SLC47A1: variants seen among roughly 807,000 people sequenced by gnomAD.
SLC47A1 encodes the protein solute carrier family 47 member 1.
Under a neutral mutation model 65.8 loss-of-function variants are expected in SLC47A1, and 58 were observed. That is an observed-to-expected ratio of 0.88 (90% CI 0.71 to 1.10). SLC47A1 has a LOEUF of 1.10. SLC47A1 is among the 50% of genes least tolerant of loss of function. The pLI, the probability that SLC47A1 is intolerant of heterozygous loss-of-function variation, is 0.00. For synonymous variants in SLC47A1, 285 were observed against 295.0 expected (o/e 0.97, Z 0.35); for missense variants, 706 against 719.2 (o/e 0.98, Z 0.21).
chr17:19,544,605 G>A (rs532238020), intron 2 of SLC47A1, among the ~76,000 whole-genome samples: 22 of 152,280 alleles, frequency 1.4e-4, no homozygotes, highest in African/African-American at 5.3e-4. Context: ...TGGTGAAGGC[G>A]AGCACACCTG....
rs540823749 is a variant in SLC47A1 at position 19,560,006 on chromosome 17, G to A, written c.922-182G>A. 3 of 575,122 alleles carry A rather than the reference G, an allele frequency of 5.2e-6. No individual in the cohort carries two copies. The East Asian group carries it at 8.9e-5, about 17-fold the overall frequency. 35.6% of individuals were successfully genotyped at this position (575,122 alleles called of 1,614,324 possible). ...GTTTGTGCTAAGCATCGTAACCTGG[G>A]GCTCAGTTTCCACAGTAGCGTGGGA... On this transcript the variant is annotated intron_variant, in intron 10 of 16. Coordinates refer to ENST00000270570, the MANE Select transcript of SLC47A1 (RefSeq NM_018242.3).
At chr17:19,566,165 T>G (rs1281937790) in intron 12 of SLC47A1, among the ~76,000 whole-genome samples, 1 of 152,222 alleles carries the variant, frequency 6.6e-6, no homozygotes, top group Non-Finnish European at 1.5e-5. Context: ...TGTGCCCAAA[T>G]TATGAATTAA....
At chr17:19,576,534 A>G (rs1217120930) in intron 16 of SLC47A1, among the ~76,000 whole-genome samples, 1 of 151,426 alleles carries the variant, frequency 6.6e-6, no homozygotes, top group Non-Finnish European at 1.5e-5. Context: ...GTTTGTAGAG[A>G]TGAGGTATCA....
intron 12 of SLC47A1, 57 bp from the exon 13 acceptor site, chr17:19,566,733 A>G (rs2084360689): frequency 1.3e-6 from 2 of 1,525,562 alleles, no homozygotes; most frequent in South Asian, 1.1e-5. Context: ...CCAGAAAGCT[A>G]TATACTTCTT....
intron 1 of SLC47A1, among the ~76,000 whole-genome samples, chr17:19,538,615 A>G (rs565199001): frequency 6.6e-6 from 1 of 152,342 alleles, no homozygotes; most frequent in South Asian, 2.1e-4. Context: ...TTGTGCTCCA[A>G]AGACAGTGGC....
At chr17:19,548,173 C>A in intron 4 of SLC47A1, 40 bp downstream of exon 4, 1 of 1,590,138 alleles carries the variant, frequency 6.3e-7, no homozygotes, top group Non-Finnish European at 8.6e-7. Context: ...GGCGTCCATC[C>A]CACGGAAAGA....
At position 19,555,686 on chromosome 17, in the gene SLC47A1, G is replaced by A. The variant is rs1437643767; in HGVS notation, c.735G>A (p.Trp245Ter). Reference protein sequence around the residue: ...ILGKKLHQATWGGWSLECLQD... With the variant: ...ILGKKLHQAT ...GGAAAAAACTGCATCAAGCTACATG[G>A]GGAGGTAATGACTGCCCTTTTGTCT... Residue 245 changes from tryptophan to a stop codon, truncating the protein, a stop_gained, in exon 8 of 17, where the codon TGG (tryptophan) becomes TGA (stop). Coordinates refer to ENST00000270570, the MANE Select transcript of SLC47A1 (RefSeq NM_018242.3). LOFTEE classifies it high-confidence loss of function. The A allele has an allele frequency of 6.2e-7, 1 of 1,614,144 alleles. No homozygotes were observed.
At chr17:19,567,443 C>G (rs564962005) in intron 14 of SLC47A1, among the ~76,000 whole-genome samples, 1 of 152,186 alleles carries the variant, frequency 6.6e-6, no homozygotes, top group African/African-American at 2.4e-5. Context: ...CCTCACACCC[C>G]TGCGGGCGAT....
intron 12 of SLC47A1, among the ~76,000 whole-genome samples, chr17:19,565,514 C>T (rs537243278): frequency 3.9e-5 from 6 of 151,914 alleles, no homozygotes; most frequent in African/African-American, 1.5e-4. Context: ...GCGGTAACCC[C>T]TCTTTATCCT....
chr17:19,541,782 A>C (rs1342710361), intron 1 of SLC47A1, among the ~76,000 whole-genome samples: 4 of 152,194 alleles, frequency 2.6e-5, no homozygotes, highest in Non-Finnish European at 5.9e-5. Context: ...GCCTCTGCAC[A>C]TTGCAGAGGA....
rs141992176 is a variant in SLC47A1, at chr17:19,560,255, A to T, written c.989A>T (p.Glu330Val). The T allele has an allele frequency of 2.6e-5, 42 of 1,613,720 alleles. 1 individual carries two copies. The African/African-American group carries it at 4.4e-4, about 17-fold the overall frequency. ...AACGCTCTGGGTGCTGGAGACATGG[A>T]GCAGGCACGGAAGTCCTCTACCGTT... ...VGNALGAGDM[E>V]QARKSSTVSL... is the part of the protein sequence containing the mutation. Residue 330 changes from glutamate (E) to valine (V), a missense_variant, in exon 11 of 17, where the codon GAG becomes GTG. Physicochemically the swap from Glu to Val is moderately radical, Grantham distance 121. Coordinates refer to ENST00000270570, the MANE Select transcript of SLC47A1 (RefSeq NM_018242.3).
intron 4 of SLC47A1, among the ~76,000 whole-genome samples, chr17:19,548,746 C>G (rs1191240365): frequency 6.6e-6 from 1 of 152,124 alleles, no homozygotes; most frequent in Non-Finnish European, 1.5e-5. Flanking sequence ...CGGGATCTGT[C>G]GCCTCGGCCT....
At chr17:19,547,791 C>CGGCTCACT (rs1325493361) in intron 3 of SLC47A1, among the ~76,000 whole-genome samples, 194 bp from the exon 4 acceptor site, 1 of 136,942 alleles carries the variant, frequency 7.3e-6, no homozygotes, top group Non-Finnish European at 1.5e-5. Context: ...GGCGTGATCT[C>CGGCTCACT]GGCTCACTGC....
intron 16 of SLC47A1, among the ~76,000 whole-genome samples, chr17:19,574,595 C>A (rs1415527279): frequency 6.6e-6 from 1 of 152,144 alleles, no homozygotes; most frequent in Admixed American, 6.5e-5. Context: ...TACCATCTTG[C>A]CAATTTCCCT....
At chr17:19,543,757 C>G (rs1916215479) in intron 2 of SLC47A1, among the ~76,000 whole-genome samples, 1 of 152,160 alleles carries the variant, frequency 6.6e-6, no homozygotes, top group African/African-American at 2.4e-5. Flanking sequence ...TAGGTTGTTT[C>G]TAGAAAAGTG....
intron 1 of SLC47A1, among the ~76,000 whole-genome samples, chr17:19,540,262 A>G (rs1035273860): frequency 2.0e-5 from 3 of 152,144 alleles, no homozygotes; most frequent in Non-Finnish European, 4.4e-5. Context: ...GCACACTTCC[A>G]TGTGAAGCCA....
chr17:19,558,737 C>A (rs535213649), intron 10 of SLC47A1, among the ~76,000 whole-genome samples: 1 of 152,120 alleles, frequency 6.6e-6, no homozygotes, highest in Non-Finnish European at 1.5e-5. Context: ...AGCCATTGCA[C>A]CCTGCCAGTA....
At position 19,540,658 on chromosome 17, in the gene SLC47A1, C is replaced by T. The variant is rs559628024; in HGVS notation, c.136-1735C>T. 3.9e-5 allele frequency among the ~76,000 whole-genome samples: 6 copies of T among 152,250 alleles called. No homozygotes were observed. In the South Asian group the frequency reaches 1.2e-3, roughly 32 times the overall value. ...TTCATGTCAGCCTTTTTTATTGACACCTCCACCCCACCCCCTTTTTATTCC... is the reference window on the plus strand; with the variant it reads ...TTCATGTCAGCCTTTTTTATTGACATCTCCACCCCACCCCCTTTTTATTCC... On this transcript the variant is annotated intron_variant, in intron 1 of 16. Coordinates refer to ENST00000270570, the MANE Select transcript of SLC47A1 (RefSeq NM_018242.3).
intron 2 of SLC47A1, among the ~76,000 whole-genome samples, chr17:19,543,113 CT>C (rs200136822): frequency 0.44 from 57,409 of 131,528 alleles, 11,984 homozygotes; most frequent in Middle Eastern, 0.59. Flanking sequence ...TATTTCTTTT[CT>C]TTTTTTTTTT....
Sources: gnomAD v4.1 joint callset for allele counts (sites outside exome capture counted in the v4.1 genomes callset) on GRCh38, gnomAD v4.1.1 for gene constraint, MANE v1.5 for transcripts, NCBI Gene and HGNC (gene_info 2026-07-23, HGNC 2026-07-21) for gene names.